CTNND2: variants seen among roughly 807,000 people sequenced by gnomAD.
CTNND2 encodes catenin delta-2.
In CTNND2, 22 loss-of-function variants were observed where a neutral mutation model predicts 144.4. The ratio of observed to expected loss-of-function variants is 0.15; its 90% CI spans 0.11 to 0.22. The LOEUF is 0.22. Among genes scored for constraint, CTNND2 ranks in the 10% least tolerant of loss-of-function variants. The pLI, the probability that CTNND2 is intolerant of heterozygous loss-of-function variation, is 1.00. For missense variants in CTNND2, 1,353 were observed against 1,618.8 expected (o/e 0.84, Z 2.82); for synonymous variants, 751 against 695.6 (o/e 1.08, Z -1.25).
chr5:11,737,472 A>T lies in CTNND2; in HGVS notation c.38-5200T>A, dbSNP rs76248655. 5.9e-4 allele frequency among the ~76,000 whole-genome samples: 90 copies of T among 152,302 alleles called. No homozygotes were observed. In the East Asian group the frequency reaches 0.015, roughly 25 times the overall value. Reference sequence around the variant, plus strand: ...CCCATCTTCCACATGAGAAAAAGAGACAGCAGTGCGGGAAGAACAGCCCTA... The same window carrying T: ...CCCATCTTCCACATGAGAAAAAGAGTCAGCAGTGCGGGAAGAACAGCCCTA... On this transcript the variant is annotated intron_variant, in intron 1 of 21. Coordinates refer to ENST00000304623, the MANE Select transcript of CTNND2 (RefSeq NM_001332.4).
intron 1 of CTNND2, among the ~76,000 whole-genome samples, chr5:11,734,880 T>C (rs1167632664): frequency 6.6e-6 from 1 of 152,220 alleles, no homozygotes; most frequent in East Asian, 1.9e-4. Context: ...TAATTTTTTA[T>C]TTGTTTTAAT....
chr5:11,266,590 A>C (rs1295583665), intron 9 of CTNND2, among the ~76,000 whole-genome samples: 2 of 152,326 alleles, frequency 1.3e-5, no homozygotes, highest in East Asian at 3.9e-4. Context: ...GGAGAGCGGC[A>C]TCTCTAAAAC....
chr5:11,138,767 T>C (rs1756404577), intron 12 of CTNND2, among the ~76,000 whole-genome samples: 1 of 152,150 alleles, frequency 6.6e-6, no homozygotes, highest in African/African-American at 2.4e-5. Flanking sequence ...AGGACCAAGG[T>C]TGGTGTCTTG....
intron 6 of CTNND2, among the ~76,000 whole-genome samples, chr5:11,392,816 A>AT (rs11412745): frequency 0.082 from 12,533 of 152,210 alleles, 1,210 homozygotes; most frequent in African/African-American, 0.23. Flanking sequence ...TCTCTCTGCA[A>AT]TTTTTGTGTT....
chr5:11,049,117 A>G (rs1330825089), intron 16 of CTNND2, among the ~76,000 whole-genome samples: 1 of 152,212 alleles, frequency 6.6e-6, no homozygotes, highest in Non-Finnish European at 1.5e-5. Flanking sequence ...ACTGCTGGAA[A>G]TGGGGGAAGG....
chr5:11,250,583 C>T (rs1488753878), intron 9 of CTNND2, among the ~76,000 whole-genome samples: 4 of 145,498 alleles, frequency 2.7e-5, no homozygotes, highest in South Asian at 2.2e-4. Context: ...GGTGGTGGAT[C>T]GTAGCTCACT....
At chr5:11,679,103 G>A (rs775014313) in intron 2 of CTNND2, among the ~76,000 whole-genome samples, 33 of 151,894 alleles carry the variant, frequency 2.2e-4, no homozygotes, top group Non-Finnish European at 3.7e-4. Flanking sequence ...TTCCTGAAAC[G>A]ATGCCTATCC....
At chr5:10,991,355 G>A (rs2149498534) in intron 19 of CTNND2, among the ~76,000 whole-genome samples, 1 of 152,334 alleles carries the variant, frequency 6.6e-6, no homozygotes, top group South Asian at 2.1e-4. Flanking sequence ...CCTCAGCAGG[G>A]AGAGGGCAGA....
chr5:11,814,736 T>C (rs909523672), intron 1 of CTNND2, among the ~76,000 whole-genome samples: 1 of 152,202 alleles, frequency 6.6e-6, no homozygotes, highest in African/African-American at 2.4e-5. Context: ...CAATGTTGCC[T>C]AAAGATAAAG....
intron 2 of CTNND2, among the ~76,000 whole-genome samples, chr5:11,584,187 A>G (rs773017520): frequency 5.9e-5 from 9 of 152,226 alleles, no homozygotes; most frequent in Non-Finnish European, 8.8e-5. Flanking sequence ...GATAAAATTC[A>G]TGAAGAAGGA....
In CTNND2 at chr5:11,151,277, C is replaced by T. The variant is rs1299017691; in HGVS notation, c.2159+8299G>A. Among the ~76,000 whole-genome samples, 6 of 152,184 alleles carry T rather than the reference C, an allele frequency of 3.9e-5. No individual in the cohort carries two copies. The East Asian group carries it at 1.2e-3, about 29-fold the overall frequency. ...AATTTATGGTTAATAGATTTGTTTG[C>T]TTCTCCTCCAGGGAAGTTACTTCTT... is the stretch of plus-strand genomic sequence containing the variant. On this transcript the variant is annotated intron_variant, in intron 12 of 21. Coordinates refer to ENST00000304623, the MANE Select transcript of CTNND2 (RefSeq NM_001332.4).
chr5:11,865,024 T>C (rs1486775236), intron 1 of CTNND2, among the ~76,000 whole-genome samples: 4 of 151,308 alleles, frequency 2.6e-5, no homozygotes, highest in Non-Finnish European at 4.4e-5. Context: ...GCCTCTCAAG[T>C]AGCTGGGATT....
intron 16 of CTNND2, among the ~76,000 whole-genome samples, chr5:11,052,094 T>C (rs1375309773): frequency 6.6e-6 from 1 of 151,908 alleles, no homozygotes; most frequent in Non-Finnish European, 1.5e-5. Flanking sequence ...CAAGCTGGGG[T>C]GGAGGAATTG....
At chr5:11,564,848 T>A in intron 3 of CTNND2, 96 bp downstream of exon 3, 1 of 784,420 alleles carries the variant, frequency 1.3e-6, no homozygotes, top group Non-Finnish European at 2.1e-6. Flanking sequence ...GACTGAATGT[T>A]CCAATTCCAC....
chr5:11,573,402 T>C (rs2727590), intron 2 of CTNND2, among the ~76,000 whole-genome samples: 124,192 of 151,996 alleles, frequency 0.82, 50,923 homozygotes, highest in African/African-American at 0.86. Context: ...TTCACATGAA[T>C]GAGTTGACTC....
intron 9 of CTNND2, among the ~76,000 whole-genome samples, chr5:11,326,200 G>A (rs1259814369): frequency 2.6e-5 from 4 of 152,108 alleles, no homozygotes; most frequent in Admixed American, 6.5e-5. Context: ...TGCAGGTTGT[G>A]GTACCCTCTT....
chr5:11,545,726 G>A (rs1775183139), intron 3 of CTNND2, among the ~76,000 whole-genome samples: 1 of 143,030 alleles, frequency 7.0e-6, no homozygotes, highest in South Asian at 2.3e-4. Flanking sequence ...TAAACATAAA[G>A]TGACCAAGCA....
rs189913379 is a variant in CTNND2, at chr5:11,096,655, C to T, written c.2637+1920G>A. On this transcript the variant is annotated intron_variant, in intron 15 of 21. Transcript: ENST00000304623. ...GTTGAAGTCTTACATTCAAAATCTTCTAGAGGCCAAAGATATTTCTCCACT... is the reference window on the plus strand; with the variant it reads ...GTTGAAGTCTTACATTCAAAATCTTTTAGAGGCCAAAGATATTTCTCCACT... Among the ~76,000 whole-genome samples, 500 of 152,234 alleles carry T rather than the reference C, an allele frequency of 3.3e-3. 2 individuals carry two copies. Among genetic ancestry groups the T allele is most frequent in the South Asian group, 0.01 (50 of 4,824 alleles).
intron 9 of CTNND2, among the ~76,000 whole-genome samples, chr5:11,301,897 A>G (rs1238307582): frequency 6.6e-6 from 1 of 152,088 alleles, no homozygotes; most frequent in Non-Finnish European, 1.5e-5. Flanking sequence ...TTTTTCCTGG[A>G]AGATGGAACT....
Sources: gnomAD v4.1 joint callset for allele counts (sites outside exome capture counted in the v4.1 genomes callset) on GRCh38, gnomAD v4.1.1 for gene constraint, MANE v1.5 for transcripts, NCBI Gene and HGNC (gene_info 2026-07-23, HGNC 2026-07-21) for gene names.